GIT2: variants seen among roughly 807,000 people sequenced by gnomAD.
GIT2 encodes the protein GIT ArfGAP 2.
In GIT2, 32 loss-of-function variants were observed where a neutral mutation model predicts 100.3. That is an observed-to-expected ratio of 0.32 (90% CI 0.24 to 0.43). The LOEUF is 0.43. GIT2 is among the 20% of genes least tolerant of loss of function. GIT2 has a pLI of 1.00. For synonymous variants in GIT2, 353 were observed against 364.1 expected (o/e 0.97, Z 0.35); for missense variants, 737 against 975.1 (o/e 0.76, Z 3.25).
intron 8 of GIT2, 77 bp from the exon 9 acceptor site, chr12:109,965,654 G>A (rs932786177): frequency 2.0e-5 from 19 of 939,552 alleles, no homozygotes; most frequent in Non-Finnish European, 2.9e-5. Flanking sequence ...AGACACCCAA[G>A]AGATAAAAAT....
At chr12:109,950,296 CCTTA>C (rs1877468411) in intron 14 of GIT2, among the ~76,000 whole-genome samples, 1 of 152,204 alleles carries the variant, frequency 6.6e-6, no homozygotes, top group Non-Finnish European at 1.5e-5. Context: ...GATTTGAAAA[CCTTA>C]CTTCTCAAAT....
At chr12:109,983,730 A>G (rs768781990) in intron 4 of GIT2, 36 bp from the exon 5 acceptor site, 1 of 1,384,186 alleles carries the variant, frequency 7.2e-7, no homozygotes, top group Non-Finnish European at 1.0e-6. Flanking sequence ...AATCGTGGTT[A>G]GAGGTGTAAA....
At chr12:109,995,461 T>A (rs1430310092) in intron 1 of GIT2, among the ~76,000 whole-genome samples, 2 of 152,176 alleles carry the variant, frequency 1.3e-5, no homozygotes, top group African/African-American at 4.8e-5. Context: ...ATTCATTGAA[T>A]CTTCCTCACC....
chr12:109,961,718 C>A, intron 9 of GIT2, 33 bp from the exon 10 acceptor site: 1 of 1,252,474 alleles, frequency 8.0e-7, no homozygotes, highest in Non-Finnish European at 1.2e-6. Flanking sequence ...ACACAAGGGA[C>A]AATGATTAAT....
intron 16 of GIT2, among the ~76,000 whole-genome samples, chr12:109,941,082 A>G (rs192618159): frequency 1.3e-5 from 2 of 152,200 alleles, no homozygotes; most frequent in African/African-American, 2.4e-5. Context: ...CCCAGGGCGC[A>G]TGTTCTCTCC....
rs533785581 is a variant in GIT2 at position 109,969,356 on chromosome 12, G to A, written c.719-1853C>T. On this transcript the variant is annotated intron_variant, in intron 7 of 19. Coordinates refer to ENST00000355312, the MANE Select transcript of GIT2 (RefSeq NM_057169.5). ...CTAACTTTTTGTATTTAGTAGAGATGCAGTTTCACCATGTTAGTCAGGTTG... is the reference window on the plus strand; with the variant it reads ...CTAACTTTTTGTATTTAGTAGAGATACAGTTTCACCATGTTAGTCAGGTTG... Among the ~76,000 whole-genome samples the A allele has an allele frequency of 5.9e-5, 9 of 151,664 alleles. No homozygotes were observed. The East Asian group carries it at 1.8e-3, about 30-fold the overall frequency.
Position 109,981,001 on chromosome 12 carries a change from C to T in GIT2, c.669G>A (p.Gln223=), listed in dbSNP as rs751779716. The T allele has an allele frequency of 9.9e-6, 16 of 1,613,528 alleles. No homozygotes were observed. The South Asian group carries it at 1.6e-4, about 17-fold the overall frequency. The change falls in exon 7 of 20, where the codon CAG becomes CAA. Residue 223 remains glutamine (Q), a synonymous_variant. Transcript: ENST00000355312. ...AGGCTAGTCTGTCCGTTAGCTCATACTGTATTTCCACGAGGCGCTCTGCCA... is the reference window on the plus strand; with the variant it reads ...AGGCTAGTCTGTCCGTTAGCTCATATTGTATTTCCACGAGGCGCTCTGCCA... ...HELAERLVEI[Q]YELTDRLAFY...
At chr12:109,956,151 C>T (rs774855179) in intron 12 of GIT2, among the ~76,000 whole-genome samples, 12 of 152,198 alleles carry the variant, frequency 7.9e-5, no homozygotes, top group Admixed American at 2.0e-4. Flanking sequence ...AGGCTGGTCT[C>T]GAACTCCTGA....
chr12:109,952,790 G>A, intron 13 of GIT2: 2 of 475,326 alleles, frequency 4.2e-6, no homozygotes, highest in Non-Finnish European at 3.9e-6. Flanking sequence ...CCTAGGCAAT[G>A]AGAGCCTCAC....
intron 11 of GIT2, 129 bp from the exon 12 acceptor site, chr12:109,960,087 T>A: frequency 1.5e-6 from 1 of 666,322 alleles, no homozygotes; most frequent in Non-Finnish European, 2.7e-6. Flanking sequence ...AAAGTACAAT[T>A]AATCCCAGCC....
intron 17 of GIT2, 181 bp downstream of exon 17, chr12:109,938,984 G>C: frequency 3.4e-6 from 2 of 584,470 alleles, no homozygotes; most frequent in South Asian, 4.0e-5. Flanking sequence ...AGGCCTTTCG[G>C]CAACAATGTG....
rs1876817792 is a variant in GIT2, at chr12:109,948,076, T to G, written c.1393-572A>C. Reference sequence around the variant, plus strand: ...AACAAGAAAAATTATGATCAACAAGTTTTTATTACATAATACTCTTGATAT... The same window carrying G: ...AACAAGAAAAATTATGATCAACAAGGTTTTATTACATAATACTCTTGATAT... On this transcript the variant is annotated intron_variant, in intron 14 of 19. Coordinates refer to ENST00000355312, the MANE Select transcript of GIT2 (RefSeq NM_057169.5). This position sits in a 1 kb window ranked among gnomAD's most constrained non-coding sequence, Gnocchi z 4.3. 1 of 913,112 alleles carries G rather than the reference T, an allele frequency of 1.1e-6. No homozygotes were observed. Among genetic ancestry groups the G allele is most frequent in the Non-Finnish European group, 1.3e-6 (1 of 764,330 alleles). 56.6% of individuals were successfully genotyped at this position (913,112 alleles called of 1,614,324 possible). A position where few individuals can be genotyped will look rare whatever the true frequency, so the allele number is the denominator to read the frequency against.
At position 109,948,649 on chromosome 12, in the gene GIT2, A is replaced by T. The variant is rs1876991989; in HGVS notation, c.1393-1145T>A. 7 of 1,429,766 alleles carry T rather than the reference A, an allele frequency of 4.9e-6. No individual in the cohort carries two copies. 88.6% of individuals were successfully genotyped at this position (1,429,766 alleles called of 1,614,324 possible). On this transcript the variant is annotated intron_variant, in intron 14 of 19. Transcript: ENST00000355312. The surrounding 1 kb of genome is among the most constrained non-coding windows in gnomAD (Gnocchi z 4.3). The stretch of plus-strand genomic sequence containing the variant: ...GTCTACTCTTTGACAGAGATTGTAA[A>T]ATCTGACCAAATTCCCCACCAGTGC...
chr12:109,977,536 T>A (rs1186161986), intron 7 of GIT2, among the ~76,000 whole-genome samples: 1 of 149,120 alleles, frequency 6.7e-6, no homozygotes, highest in African/African-American at 2.5e-5. Context: ...ATAAAAGTAT[T>A]ATTCTGGCTG....
chr12:109,994,075 C>CA (rs34393850), intron 1 of GIT2, among the ~76,000 whole-genome samples: 8,976 of 58,840 alleles, frequency 0.15, 696 homozygotes, highest in African/African-American at 0.28. Context: ...ACACTAATGG[C>CA]AAAAAAAAAA....
intron 12 of GIT2, among the ~76,000 whole-genome samples, chr12:109,955,186 C>T (rs767775135): frequency 1.8e-4 from 28 of 151,408 alleles, no homozygotes; most frequent in African/African-American, 6.3e-4. Context: ...TGCAGTGGCG[C>T]GATCTTGGCT....
Position 109,970,997 on chromosome 12 carries a change from G to GA in GIT2, c.719-3495dup, listed in dbSNP as rs773785494. 4.1e-4 allele frequency among the ~76,000 whole-genome samples: 63 copies of GA among 152,174 alleles called. 1 individual carries two copies. The highest frequency in any genetic ancestry group is 7.8e-4 in the Non-Finnish European group (53 of 68,032). Reference sequence around the variant, plus strand: ...GATGAGGTCTCACCATGCTGCCCAGGATAGTCTCAAACTCCTGGGCTCAAG... The same window carrying GA: ...GATGAGGTCTCACCATGCTGCCCAGGAATAGTCTCAAACTCCTGGGCTCAAG... On this transcript the variant is annotated intron_variant, in intron 7 of 19. Coordinates refer to ENST00000355312, the MANE Select transcript of GIT2 (RefSeq NM_057169.5).
intron 14 of GIT2, 65 bp downstream of exon 14, chr12:109,951,102 C>T (rs1393036878): frequency 7.2e-7 from 1 of 1,392,740 alleles, no homozygotes; most frequent in Non-Finnish European, 1.0e-6. Flanking sequence ...ATCACAGTGC[C>T]TGAGATTCTT....
In GIT2 at chr12:109,931,048, T is replaced by C. The variant is rs1871553445; in HGVS notation, c.*1930A>G. The C allele has an allele frequency of 6.6e-6, 1 of 152,176 alleles. No homozygotes were observed. 9.4% of individuals were successfully genotyped at this position (152,176 alleles called of 1,614,324 possible). Reference sequence around the variant, plus strand: ...CCATGCTACTCACAGTGAAGCAAAATGCGACAAAAGCATCCACACACGGTG... The same window carrying C: ...CCATGCTACTCACAGTGAAGCAAAACGCGACAAAAGCATCCACACACGGTG... On this transcript the variant is annotated 3_prime_UTR_variant, in exon 20 of 20. Coordinates refer to ENST00000355312, the MANE Select transcript of GIT2 (RefSeq NM_057169.5).
Sources: gnomAD v4.1 joint callset for allele counts (sites outside exome capture counted in the v4.1 genomes callset) on GRCh38, gnomAD v4.1.1 for gene constraint, Gnocchi (gnomAD v3.1) non-coding constraint, MANE v1.5 for transcripts, NCBI Gene and HGNC (gene_info 2026-07-23, HGNC 2026-07-21) for gene names.